Variants in ALK observed in about 807,000 individuals in gnomAD.
ALK encodes the protein ALK tyrosine kinase receptor.
ALK carries 74 observed loss-of-function variants against 163.1 expected under a neutral mutation model. The ratio of observed to expected loss-of-function variants is 0.45; its 90% CI spans 0.38 to 0.55. The LOEUF (loss-of-function observed/expected upper bound fraction) is 0.55. Among genes scored for constraint, ALK ranks in the 20% least tolerant of loss-of-function variants. ALK has a pLI of 0.00. For missense variants in ALK, 2,063 were observed against 2,105.3 expected (o/e 0.98, Z 0.39); for synonymous variants, 960 against 843.2 (o/e 1.14, Z -2.40).
chr2:29,343,129 AC>A (rs950473628), intron 5 of ALK, among the ~76,000 whole-genome samples: 3 of 148,490 alleles, frequency 2.0e-5, no homozygotes, highest in Admixed American at 6.7e-5. Context: ...CTCGTGATCC[AC>A]CCACCTTGGC....
At chr2:29,212,006 T>A (rs909825313) in intron 24 of ALK, among the ~76,000 whole-genome samples, 1 of 152,176 alleles carries the variant, frequency 6.6e-6, no homozygotes, top group Non-Finnish European at 1.5e-5. Context: ...CATCAAAATG[T>A]CTTGTGGCTG....
At chr2:29,521,187 T>C (rs78310302) in intron 4 of ALK, among the ~76,000 whole-genome samples, 7,524 of 152,210 alleles carry the variant, frequency 0.049, 613 homozygotes, top group African/African-American at 0.17. Context: ...AGTTGCCCTA[T>C]AGGGTGGAGC....
chr2:29,199,632 C>T (rs1238905738), intron 26 of ALK, among the ~76,000 whole-genome samples: 1 of 152,136 alleles, frequency 6.6e-6, no homozygotes, highest in Non-Finnish European at 1.5e-5. Flanking sequence ...TGATACCATT[C>T]TATTTTACTT....
chr2:29,652,384 T>C (rs1038490554), intron 3 of ALK, among the ~76,000 whole-genome samples: 1 of 152,138 alleles, frequency 6.6e-6, no homozygotes, highest in Non-Finnish European at 1.5e-5. Flanking sequence ...AAGGGAAGAA[T>C]GCTGAAGCAT....
chr2:29,430,644 C>T (rs903603929), intron 4 of ALK, among the ~76,000 whole-genome samples: 7 of 152,194 alleles, frequency 4.6e-5, no homozygotes, highest in Admixed American at 2.0e-4. Context: ...TGACATACAG[C>T]TAGTAAGTCA....
chr2:29,435,168 C>T lies in ALK; in HGVS notation c.1155-51309G>A, dbSNP rs373629095. ...ACGCGGTGGAAATGAGCTAACCAAA[C>T]GAAGGAAGCAAAGAGTCTCTACTAC... On this transcript the variant is annotated intron_variant, in intron 4 of 28. Coordinates refer to ENST00000389048, the MANE Select transcript of ALK (RefSeq NM_004304.5). Among the ~76,000 whole-genome samples the T allele has an allele frequency of 8.5e-5, 13 of 152,152 alleles. 1 individual carries two copies. The East Asian group carries it at 1.7e-3, about 20-fold the overall frequency.
chr2:29,825,375 G>A (rs559948968), intron 1 of ALK, among the ~76,000 whole-genome samples: 1 of 152,332 alleles, frequency 6.6e-6, no homozygotes, highest in African/African-American at 2.4e-5. Flanking sequence ...CAAGCAAGAT[G>A]AGTATGGTTT....
chr2:29,730,727 C>T (rs1412235646), intron 1 of ALK, among the ~76,000 whole-genome samples: 33 of 152,170 alleles, frequency 2.2e-4, no homozygotes, highest in Admixed American at 2.1e-3. Flanking sequence ...GTTAAGGTTG[C>T]TTGCAGTGAA....
chr2:29,315,499 C>T (rs940973043), intron 8 of ALK, among the ~76,000 whole-genome samples: 3 of 152,174 alleles, frequency 2.0e-5, no homozygotes, highest in Non-Finnish European at 4.4e-5. Context: ...AAACTCTCTG[C>T]ATGGGCTCAG....
At chr2:29,395,832 T>A (rs11127221) in intron 4 of ALK, among the ~76,000 whole-genome samples, 137,593 of 152,210 alleles carry the variant, frequency 0.9, 62,475 homozygotes, top group Middle Eastern at 0.98. Context: ...GTCCCCCTTC[T>A]GTCTATTAGC....
chr2:29,573,872 T>A (rs531421811), intron 3 of ALK, among the ~76,000 whole-genome samples: 3 of 152,130 alleles, frequency 2.0e-5, no homozygotes, highest in Admixed American at 1.3e-4. Flanking sequence ...GTGATGGGCA[T>A]GGGTGGGTGG....
At chr2:29,819,214 C>T (rs371237685) in intron 1 of ALK, among the ~76,000 whole-genome samples, 1 of 152,226 alleles carries the variant, frequency 6.6e-6, no homozygotes, top group Non-Finnish European at 1.5e-5. Context: ...GATTCATGTT[C>T]ACATTACAAA....
chr2:29,608,020 G>C (rs1553337738), intron 3 of ALK, among the ~76,000 whole-genome samples: 1 of 123,786 alleles, frequency 8.1e-6, no homozygotes, highest in Non-Finnish European at 1.7e-5. Context: ...TTGTTACACA[G>C]GTAAACCACA....
rs1167589098 is a variant in ALK at position 29,368,043 on chromosome 2, GT to G, written c.1282+15688del. ...CAAAAATTCATGGAGCCTCCATTTT[GT>G]CCCAGGCTTTGAGCCAAACACCAGG... On this transcript the variant is annotated intron_variant, in intron 5 of 28. Coordinates refer to ENST00000389048, the MANE Select transcript of ALK (RefSeq NM_004304.5). Among the ~76,000 whole-genome samples the G allele has an allele frequency of 3.7e-4, 57 of 152,198 alleles. 2 individuals carry two copies. The highest frequency in any genetic ancestry group is 3.6e-3 in the Admixed American group (55 of 15,288).
At chr2:29,502,761 T>C (rs1672220340) in intron 4 of ALK, among the ~76,000 whole-genome samples, 1 of 152,190 alleles carries the variant, frequency 6.6e-6, no homozygotes, top group African/African-American at 2.4e-5. Flanking sequence ...TGGCTTAGAA[T>C]TACATTATCT....
chr2:29,455,022 A>T (rs1426292044), intron 4 of ALK, among the ~76,000 whole-genome samples: 3 of 152,202 alleles, frequency 2.0e-5, no homozygotes, highest in African/African-American at 7.2e-5. Context: ...AGAAACTCAA[A>T]TCTAGCTCTC....
chr2:29,858,884 C>T (rs1248133399), intron 1 of ALK, among the ~76,000 whole-genome samples: 1 of 151,668 alleles, frequency 6.6e-6, no homozygotes, highest in Admixed American at 6.6e-5. Flanking sequence ...ACTAAAAATA[C>T]AAAAATTAGC....
At chr2:29,352,503 G>T (rs1668143837) in intron 5 of ALK, among the ~76,000 whole-genome samples, 1 of 152,228 alleles carries the variant, frequency 6.6e-6, no homozygotes. Context: ...GCTGTGGTGA[G>T]TATGCTAAAG....
chr2:29,815,073 T>C (rs1045201273), intron 1 of ALK, among the ~76,000 whole-genome samples: 18 of 148,992 alleles, frequency 1.2e-4, no homozygotes, highest in African/African-American at 4.5e-4. Flanking sequence ...TGGAAAATCA[T>C]AGAAATCTAG....
Sources: allele counts gnomAD v4.1 joint callset (sites outside exome capture counted in the v4.1 genomes callset), GRCh38; gene constraint gnomAD v4.1.1; transcripts MANE v1.5; gene names NCBI Gene and HGNC (gene_info 2026-07-23, HGNC 2026-07-21).